Variants in RANBP17 observed in about 807,000 individuals in gnomAD.
The protein encoded by RANBP17 is RAN binding protein 17.
In RANBP17, 158 loss-of-function variants were observed where a neutral mutation model predicts 141.2. The observed-to-expected ratio is 1.12, with a 90% CI of 0.98 to 1.28. RANBP17 has a LOEUF of 1.28. Among genes scored for constraint, RANBP17 ranks in the 50% most tolerant of loss-of-function variants. The probability of loss-of-function intolerance (pLI) is 0.00; values close to 1 mark genes in which losing one functional copy is unlikely to be tolerated. For missense variants in RANBP17, 1,438 were observed against 1,290.7 expected (o/e 1.11, Z -1.75); for synonymous variants, 430 against 450.0 (o/e 0.96, Z 0.56).
At chr5:171,290,378 A>AAAAG (rs754170919) in intron 25 of RANBP17, among the ~76,000 whole-genome samples, 9 of 148,750 alleles carry the variant, frequency 6.1e-5, no homozygotes, top group Admixed American at 2.7e-4. Context: ...AAAAAAAAAA[A>AAAAG]AAAGAAAGAA....
intron 14 of RANBP17, among the ~76,000 whole-genome samples, chr5:171,093,215 C>CAAAAAAA (rs5873253): frequency 6.7e-6 from 1 of 150,140 alleles, no homozygotes. Flanking sequence ...AGTCTCCCCC[C>CAAAAAAA]AAAAAAAAAA....
intron 5 of RANBP17, among the ~76,000 whole-genome samples, chr5:170,906,203 ACT>A (rs2127412866): frequency 6.6e-6 from 1 of 151,976 alleles, no homozygotes; most frequent in Admixed American, 6.5e-5. Context: ...GGTTATAAAC[ACT>A]CTTTCTAGCA....
intron 5 of RANBP17, among the ~76,000 whole-genome samples, chr5:170,896,433 T>C (rs1271993467): frequency 6.6e-6 from 1 of 152,208 alleles, no homozygotes; most frequent in Non-Finnish European, 1.5e-5. Flanking sequence ...ATAAGAAATA[T>C]ATGCAAAAGA....
chr5:171,110,415 A>T (rs1457846991), intron 14 of RANBP17, among the ~76,000 whole-genome samples: 1 of 152,134 alleles, frequency 6.6e-6, no homozygotes, highest in Non-Finnish European at 1.5e-5. Context: ...CATAGTGCAC[A>T]GCCTGTTGGT....
In RANBP17 at chr5:170,864,001, TAACTC is replaced by T. The variant is rs542423075; in HGVS notation, c.18+1953_18+1957del. Among the ~76,000 whole-genome samples the T allele has an allele frequency of 2.2e-4, 34 of 152,356 alleles. No homozygotes were observed. In the South Asian group the frequency reaches 2.3e-3, roughly 10 times the overall value. ...ATATAGGATCATATTGTTAATCAGT[TAACTC>T]AAGGAACATTTGTTAATAGTGATAA... On this transcript the variant is annotated intron_variant, in intron 1 of 27. Coordinates refer to ENST00000523189, the MANE Select transcript of RANBP17 (RefSeq NM_022897.5).
chr5:171,135,279 CAAAAAAA>C (rs200094154), intron 14 of RANBP17, among the ~76,000 whole-genome samples: 4 of 55,910 alleles, frequency 7.2e-5, no homozygotes, highest in Non-Finnish European at 7.6e-5. Context: ...GACTCCATCT[CAAAAAAA>C]AAAAAAAAAA....
intron 19 of RANBP17, among the ~76,000 whole-genome samples, chr5:171,204,716 A>G (rs548654692): frequency 2.5e-4 from 38 of 152,288 alleles, no homozygotes; most frequent in Non-Finnish European, 4.6e-4. Context: ...TACAAGTCAG[A>G]TCTCTTCTAT....
intron 27 of RANBP17, among the ~76,000 whole-genome samples, chr5:171,297,922 C>A (rs982063588): frequency 1.6e-5 from 2 of 123,728 alleles, no homozygotes; most frequent in East Asian, 2.6e-4. Context: ...GTGGCGTGAT[C>A]TCAGCTCACT....
chr5:171,226,253 A>G (rs539282952), intron 22 of RANBP17, among the ~76,000 whole-genome samples: 21 of 152,284 alleles, frequency 1.4e-4, no homozygotes, highest in Non-Finnish European at 2.1e-4. Context: ...CCATTTGTCT[A>G]ATCTTTCCTT....
At chr5:171,254,239 T>A (rs1271826666) in intron 24 of RANBP17, among the ~76,000 whole-genome samples, 10 of 124,138 alleles carry the variant, frequency 8.1e-5, no homozygotes, top group East Asian at 4.8e-4. Flanking sequence ...AGAGCGAGAC[T>A]CTGTCTCAAA....
chr5:170,880,051 C>T (rs764807275), intron 2 of RANBP17, among the ~76,000 whole-genome samples: 16 of 152,104 alleles, frequency 1.1e-4, no homozygotes, highest in African/African-American at 2.2e-4. Context: ...AGCCCTTTTC[C>T]GCTCCATATG....
intron 4 of RANBP17, among the ~76,000 whole-genome samples, chr5:170,895,275 A>G (rs982612990): frequency 1.2e-4 from 18 of 152,234 alleles, no homozygotes; most frequent in Non-Finnish European, 2.4e-4. Context: ...AAGTGTATCT[A>G]TCTTCTGTGT....
At chr5:171,144,756 G>C (rs1434841587) in intron 14 of RANBP17, among the ~76,000 whole-genome samples, 1 of 152,200 alleles carries the variant, frequency 6.6e-6, no homozygotes, top group Non-Finnish European at 1.5e-5. Flanking sequence ...CACTTGAAAT[G>C]ACATTATGAC....
chr5:171,125,296 CAAAAAA>C (rs3083436), intron 14 of RANBP17, among the ~76,000 whole-genome samples: 12 of 85,958 alleles, frequency 1.4e-4, no homozygotes, highest in South Asian at 5.2e-4. Flanking sequence ...GACTATGTAT[CAAAAAA>C]AAAAAAAAAA....
intron 3 of RANBP17, among the ~76,000 whole-genome samples, chr5:170,886,935 T>G (rs2127372038): frequency 6.6e-6 from 1 of 152,210 alleles, no homozygotes; most frequent in Admixed American, 6.5e-5. Flanking sequence ...AGTGCTGGGA[T>G]TATAGGTGTG....
At chr5:171,063,085 C>G (rs1784018760) in intron 14 of RANBP17, among the ~76,000 whole-genome samples, 1 of 152,074 alleles carries the variant, frequency 6.6e-6, no homozygotes, top group Non-Finnish European at 1.5e-5. Context: ...AAGTTTTTAA[C>G]TTCTTTGCCT....
At chr5:171,084,296 A>AT (rs1358059676) in intron 14 of RANBP17, among the ~76,000 whole-genome samples, 1 of 146,938 alleles carries the variant, frequency 6.8e-6, no homozygotes, top group Admixed American at 6.8e-5. Flanking sequence ...TGAACTCATC[A>AT]TTTTTTATGG....
At chr5:170,913,075 G>A (rs529040693) in intron 7 of RANBP17, among the ~76,000 whole-genome samples, 2 of 152,118 alleles carry the variant, frequency 1.3e-5, no homozygotes, top group Non-Finnish European at 2.9e-5. Context: ...TCAGGCTTCT[G>A]AGGGAAAATT....
At chr5:171,255,343 CACA>C (rs1264622762) in intron 24 of RANBP17, among the ~76,000 whole-genome samples, 1 of 152,114 alleles carries the variant, frequency 6.6e-6, no homozygotes, top group South Asian at 2.1e-4. Flanking sequence ...TTAGCTATAT[CACA>C]ACATGTTTAA....
Sources: gnomAD v4.1 joint callset for allele counts (sites outside exome capture counted in the v4.1 genomes callset) on GRCh38, gnomAD v4.1.1 for gene constraint, MANE v1.5 for transcripts, NCBI Gene and HGNC (gene_info 2026-07-23, HGNC 2026-07-21) for gene names.